TMEM67: variants seen among roughly 807,000 people sequenced by gnomAD.
TMEM67 encodes the protein meckelin.
TMEM67 carries 124 observed loss-of-function variants against 136.6 expected under a neutral mutation model. The observed-to-expected ratio is 0.91, with a 90% CI of 0.78 to 1.05. TMEM67 has a LOEUF of 1.05. Ranked by LOEUF, TMEM67 falls within the 50% of genes least tolerant of loss-of-function variation. TMEM67 has a pLI of 0.00. For missense variants in TMEM67, 1,107 were observed against 1,178.4 expected, an observed-to-expected ratio of 0.94 and a Z score of 0.89; for synonymous variants, 364 against 390.5, an observed-to-expected ratio of 0.93 and a Z score of 0.80.
chr8:93,799,637 T>A lies in TMEM67; in HGVS notation c.2120T>A (p.Leu707Ter). ...CTCCAGGTTGTGGGATTCAAGAACT[T>A]AGCATTAATGGACTCATCTTCTAGT... Reference protein sequence around the residue: ...FFLEVVGFKNLALMDSSSSLS... With the variant: ...FFLEVVGFKN Residue 707 changes from leucine to a stop codon, truncating the protein, a stop_gained, in exon 21 of 28, where the codon TTA becomes TAA. Transcript: ENST00000453321. LOFTEE classifies it high-confidence loss of function. 6.2e-7 allele frequency: 1 copy of A among 1,613,948 alleles called. No individual in the cohort carries two copies. The highest frequency in any genetic ancestry group is 8.5e-7 in the Non-Finnish European group (1 of 1,179,932).
intron 20 of TMEM67, among the ~76,000 whole-genome samples, chr8:93,799,220 A>T (rs1814758914): frequency 6.6e-6 from 1 of 152,092 alleles, no homozygotes; most frequent in African/African-American, 2.4e-5. Flanking sequence ...TTTGTAATAT[A>T]CTGTTTTAAA....
intron 23 of TMEM67, among the ~76,000 whole-genome samples, chr8:93,807,692 T>A (rs1206292329): frequency 4.6e-5 from 7 of 152,006 alleles, no homozygotes; most frequent in African/African-American, 7.2e-5. Flanking sequence ...AAGAAAAAAA[T>A]TTTTTAAATA....
chr8:93,761,307 AAAAG>A (rs1182891338), intron 3 of TMEM67, among the ~76,000 whole-genome samples: 2 of 152,222 alleles, frequency 1.3e-5, no homozygotes, highest in Non-Finnish European at 2.9e-5. Context: ...CTCAAAATAA[AAAAG>A]AAACTTTTTC....
the TMEM67 span, among the ~76,000 whole-genome samples, chr8:93,825,929 G>A: frequency 6.6e-6 from 1 of 152,118 alleles, no homozygotes; most frequent in African/African-American, 2.4e-5. Context: ...CATCGAAGGA[G>A]GCTGCCTACT....
At chr8:93,787,713 T>A (rs1186592298) in intron 13 of TMEM67, 131 bp from the exon 14 acceptor site, 1 of 729,606 alleles carries the variant, frequency 1.4e-6, no homozygotes, top group East Asian at 2.7e-5. Context: ...TAACCTTCCT[T>A]AGTCCTTGTT....
At chr8:93,765,686 C>T in intron 6 of TMEM67, 40 bp downstream of exon 6, 2 of 1,348,562 alleles carry the variant, frequency 1.5e-6, no homozygotes, top group Non-Finnish European at 2.1e-6. Context: ...TGTTAAAAAA[C>T]TTTCTACATT....
intron 14 of TMEM67, among the ~76,000 whole-genome samples, 195 bp downstream of exon 14, chr8:93,788,144 A>G (rs1814202522): frequency 6.6e-6 from 1 of 152,186 alleles, no homozygotes; most frequent in Non-Finnish European, 1.5e-5. Context: ...TGAGTATAAA[A>G]AAGTAAGAAT....
downstream of TMEM67, among the ~76,000 whole-genome samples, chr8:93,818,601 A>T (rs1373294100): frequency 6.6e-6 from 1 of 152,216 alleles, no homozygotes; most frequent in Non-Finnish European, 1.5e-5. Flanking sequence ...AGGAGCAGTG[A>T]GGAGTGTGGC....
chr8:93,831,860 C>G, the TMEM67 span, among the ~76,000 whole-genome samples: 1 of 152,230 alleles, frequency 6.6e-6, no homozygotes, highest in African/African-American at 2.4e-5. Flanking sequence ...TCTACCACTT[C>G]ACCTTTCCTT....
chr8:93,769,326 G>A (rs1309681041), intron 6 of TMEM67, among the ~76,000 whole-genome samples: 3 of 152,262 alleles, frequency 2.0e-5, no homozygotes, highest in Admixed American at 6.5e-5. Flanking sequence ...AGGAAGCGAG[G>A]TCAGCCGGAT....
At chr8:93,792,355 G>A (rs561018667) in intron 15 of TMEM67, among the ~76,000 whole-genome samples, 1 of 151,934 alleles carries the variant, frequency 6.6e-6, no homozygotes, top group African/African-American at 2.4e-5. Context: ...AATATTTTTA[G>A]TAGAGACAGG....
chr8:93,816,328 T>G, intron 27 of TMEM67, 44 bp from the exon 28 acceptor site: 1 of 973,254 alleles, frequency 1.0e-6, no homozygotes, highest in Non-Finnish European at 1.6e-6. Flanking sequence ...CATATTTAAT[T>G]CTGTTTATAT....
At chr8:93,767,643 C>T (rs1813132624) in intron 6 of TMEM67, among the ~76,000 whole-genome samples, 1 of 151,690 alleles carries the variant, frequency 6.6e-6, no homozygotes, top group Non-Finnish European at 1.5e-5. Context: ...TAGTTATAAT[C>T]CAGCATACTC....
intron 14 of TMEM67, among the ~76,000 whole-genome samples, chr8:93,789,645 C>G (rs1359145454): frequency 1.0e-5 from 1 of 96,430 alleles, no homozygotes; most frequent in African/African-American, 3.8e-5. Context: ...AACTCTGTCT[C>G]AAAAAAATAT....
rs1808572674 is a variant in TMEM67 at position 93,808,827 on chromosome 8, T to C, written c.2440-13T>C. 1 of 1,554,612 alleles carries C rather than the reference T, an allele frequency of 6.4e-7. No individual in the cohort carries two copies. The highest frequency in any genetic ancestry group is 8.9e-7 in the Non-Finnish European group (1 of 1,126,390). On this transcript the variant is annotated splice_polypyrimidine_tract_variant and intron_variant, in intron 23 of 27. Coordinates refer to ENST00000453321, the MANE Select transcript of TMEM67 (RefSeq NM_153704.6). Reference sequence around the variant, plus strand: ...ATAATTTTGATCTTAACTTAAATTCTTTAACTTTTCAGGAAAATTTGTGTA... The same window carrying C: ...ATAATTTTGATCTTAACTTAAATTCCTTAACTTTTCAGGAAAATTTGTGTA...
At chr8:93,769,511 G>A (rs1306605786) in intron 6 of TMEM67, 1 of 167,136 alleles carries the variant, frequency 6.0e-6, no homozygotes, top group Admixed American at 6.5e-5. Flanking sequence ...AAACATACCA[G>A]TTCTGAACAC....
Position 93,775,289 on chromosome 8 carries a change from C to G in TMEM67, c.714+2638C>G, listed in dbSNP as rs371928198. 1.5e-4 allele frequency among the ~76,000 whole-genome samples: 23 copies of G among 152,194 alleles called. No homozygotes were observed. In the East Asian group the frequency reaches 3.3e-3, roughly 22 times the overall value. On this transcript the variant is annotated intron_variant, in intron 7 of 27. Coordinates refer to ENST00000453321, the MANE Select transcript of TMEM67 (RefSeq NM_153704.6). Reference sequence around the variant, plus strand: ...GATGGGTTATTGCAAAAAATTTCTCCCATTGTGTAGGTTGTGTGTTCACTC... The same window carrying G: ...GATGGGTTATTGCAAAAAATTTCTCGCATTGTGTAGGTTGTGTGTTCACTC...
Position 93,797,457 on chromosome 8 carries a change from T to C in TMEM67, c.2087T>C (p.Leu696Pro), listed in dbSNP as rs2130735817. 2 of 1,613,792 alleles carry C rather than the reference T, an allele frequency of 1.2e-6. No individual in the cohort carries two copies. Among genetic ancestry groups the C allele is most frequent in the Non-Finnish European group, 1.7e-6 (2 of 1,179,808 alleles). ...INSLFQVLTV[L>P]FFLEVVGFKN... ...TCACTCTTTCAAGTACTTACTGTCC[T>C]CTTCTTTTTGGAGGTATAAACTGTT... The change falls in exon 20 of 28, where the codon CTC (leucine) becomes CCC (proline). Residue 696 changes from leucine to proline, a missense_variant. By Grantham distance (98) the Leu-to-Pro change is moderately conservative. This residue lies in a region of TMEM67 where 925 missense variants were observed against 1,002.4 expected (regional missense o/e 0.92). Coordinates refer to ENST00000453321, the MANE Select transcript of TMEM67 (RefSeq NM_153704.6).
At chr8:93,772,481 C>T (rs916201827) in intron 6 of TMEM67, 108 bp from the exon 7 acceptor site, 3 of 805,686 alleles carry the variant, frequency 3.7e-6, no homozygotes, top group African/African-American at 1.7e-5. Flanking sequence ...CTATTAGTAA[C>T]TGTTTTTCTA....
Sources: gnomAD v4.1 joint callset for allele counts (sites outside exome capture counted in the v4.1 genomes callset) on GRCh38, gnomAD v4.1.1 for gene constraint, gnomAD v4.1.1 regional missense constraint, MANE v1.5 for transcripts, NCBI Gene and HGNC (gene_info 2026-07-23, HGNC 2026-07-21) for gene names.